ERAP1: variants seen among roughly 807,000 people sequenced by gnomAD.
ERAP1 encodes the protein adipocyte-derived leucine aminopeptidase.
ERAP1 carries 86 observed loss-of-function variants against 103.7 expected under a neutral mutation model. The ratio of observed to expected loss-of-function variants is 0.83; its 90% CI spans 0.70 to 0.99. The LOEUF (loss-of-function observed/expected upper bound fraction) is 0.99, where lower values mean the gene tolerates loss of function less well. Ranked by LOEUF, ERAP1 falls within the 50% of genes least tolerant of loss-of-function variation. ERAP1 has a pLI of 0.00. For synonymous variants in ERAP1, 398 were observed against 402.4 expected (o/e 0.99, Z 0.13); for missense variants, 1,009 against 1,128.4 (o/e 0.89, Z 1.52).
At chr5:96,868,832 ATAG>A in the ERAP1 span, among the ~76,000 whole-genome samples, 3 of 152,178 alleles carry the variant, frequency 2.0e-5, no homozygotes, top group Non-Finnish European at 2.9e-5. Flanking sequence ...CTACTAATGC[ATAG>A]TTATTCAAGC....
At chr5:96,896,406 AT>A in the ERAP1 span, 3 of 1,612,028 alleles carry the variant, frequency 1.9e-6, no homozygotes, top group African/African-American at 1.3e-5. Flanking sequence ...TTTTGAAGTA[AT>A]TACAAAAGAT....
In ERAP1 at chr5:96,774,939, T is replaced by C. The variant is rs1773835689; in HGVS notation, c.*1457A>G. 2 of 984,640 alleles carry C rather than the reference T, an allele frequency of 2.0e-6. No individual in the cohort carries two copies. The highest frequency in any genetic ancestry group is 1.2e-4 in the Admixed American group (2 of 16,136). The allele number at this position is 984,640 out of a possible 1,614,324, so 61.0% of individuals were successfully genotyped here. A position where few individuals can be genotyped will look rare whatever the true frequency, so the allele number is the denominator to read the frequency against. The stretch of plus-strand genomic sequence containing the variant: ...CGTACCAATCATCAATCATATTCCC[T>C]TATCTTGAAGTTTTTGCCTTATATT... On this transcript the variant is annotated 3_prime_UTR_variant, in exon 19 of 19. Transcript: ENST00000443439.
chr5:96,829,177 G>A, the ERAP1 span, among the ~76,000 whole-genome samples: 1 of 152,120 alleles, frequency 6.6e-6, no homozygotes, highest in Non-Finnish European at 1.5e-5. Flanking sequence ...TAAATAAACT[G>A]TGCAGTCCCC....
intron 13 of ERAP1, chr5:96,785,382 T>G: frequency 3.9e-6 from 1 of 255,864 alleles, no homozygotes; most frequent in South Asian, 4.6e-5. Flanking sequence ...CTGTGTCACT[T>G]AGTCTTCTAA....
chr5:96,892,280 G>A, the ERAP1 span: 11 of 1,612,918 alleles, frequency 6.8e-6, no homozygotes, highest in Non-Finnish European at 9.3e-6. Context: ...ACTCAAGTAT[G>A]GTTGTTCTTA....
chr5:96,838,540 C>A, the ERAP1 span, among the ~76,000 whole-genome samples: 23 of 152,234 alleles, frequency 1.5e-4, no homozygotes, highest in African/African-American at 5.5e-4. Flanking sequence ...AACTTGAATT[C>A]TTAAATTTGT....
the ERAP1 span, among the ~76,000 whole-genome samples, chr5:96,844,736 A>G: frequency 2.0e-5 from 3 of 152,356 alleles, no homozygotes; most frequent in African/African-American, 7.2e-5. Flanking sequence ...AGAGAATGCT[A>G]AAAACAAACC....
chr5:96,781,574 C>A, intron 16 of ERAP1, 119 bp downstream of exon 16: 1 of 1,288,440 alleles, frequency 7.8e-7, no homozygotes, highest in South Asian at 1.2e-5. Flanking sequence ...TGCTGACTTG[C>A]AGTATGTTCC....
chr5:96,814,401 T>C, the ERAP1 span: 2 of 449,716 alleles, frequency 4.4e-6, no homozygotes, highest in Admixed American at 4.8e-5. Context: ...CTAATGTTAC[T>C]GCACATTGAA....
At chr5:96,850,304 C>A in the ERAP1 span, among the ~76,000 whole-genome samples, 1 of 151,978 alleles carries the variant, frequency 6.6e-6, no homozygotes, top group Non-Finnish European at 1.5e-5. Context: ...AAGAGACAAC[C>A]CACAGACTGA....
the ERAP1 span, among the ~76,000 whole-genome samples, chr5:96,922,375 G>T: frequency 1.3e-5 from 2 of 152,148 alleles, no homozygotes; most frequent in Non-Finnish European, 2.9e-5. Context: ...CTAATATATT[G>T]AGTTGGAGTT....
chr5:96,919,236 T>G, the ERAP1 span: 2 of 152,346 alleles, frequency 1.3e-5, no homozygotes, highest in Non-Finnish European at 2.9e-5. Flanking sequence ...GAATACAGTT[T>G]GGGTGGCCAT....
chr5:96,832,284 C>A, the ERAP1 span, among the ~76,000 whole-genome samples: 1 of 152,182 alleles, frequency 6.6e-6, no homozygotes. Context: ...GAGATGAATG[C>A]TGGCCAGGAG....
intron 4 of ERAP1, 136 bp from the exon 5 acceptor site, chr5:96,795,298 A>G: frequency 8.8e-7 from 1 of 1,135,316 alleles, no homozygotes; most frequent in Non-Finnish European, 1.3e-6. Context: ...TGGGAATTCC[A>G]TTTCTTGCAT....
At chr5:96,809,440 C>A (rs1779014648), upstream of ERAP1, among the ~76,000 whole-genome samples, 1 of 152,192 alleles carries the variant, frequency 6.6e-6, no homozygotes, top group South Asian at 2.1e-4. Flanking sequence ...TCTTCTCCCA[C>A]TTCTTTATTG....
upstream of ERAP1, among the ~76,000 whole-genome samples, chr5:96,811,789 C>T (rs1428659402): frequency 3.9e-5 from 6 of 152,184 alleles, no homozygotes; most frequent in South Asian, 6.2e-4. Context: ...CTAGGTGCCA[C>T]GAGGACTGAT....
intron 16 of ERAP1, 24 bp from the exon 17 acceptor site, chr5:96,781,222 G>C: frequency 1.2e-6 from 2 of 1,608,486 alleles, no homozygotes; most frequent in Non-Finnish European, 8.5e-7. Context: ...GAAAAGAAAT[G>C]TTAGCAATGA....
the ERAP1 span, among the ~76,000 whole-genome samples, chr5:96,838,041 T>C: frequency 7.5e-6 from 1 of 134,226 alleles, no homozygotes; most frequent in African/African-American, 2.9e-5. Context: ...GGGGCTTTAA[T>C]GGGCACAGGG....
At chr5:96,779,092 C>T (rs1349018471) in intron 18 of ERAP1, among the ~76,000 whole-genome samples, 1 of 152,174 alleles carries the variant, frequency 6.6e-6, no homozygotes, top group Non-Finnish European at 1.5e-5. Context: ...CCCTCTATCC[C>T]AATCACTCTC....
Sources: gnomAD v4.1 joint callset for allele counts (sites outside exome capture counted in the v4.1 genomes callset) on GRCh38, gnomAD v4.1.1 for gene constraint, MANE v1.5 for transcripts, NCBI Gene and HGNC (gene_info 2026-07-23, HGNC 2026-07-21) for gene names.